The following RANBP9 variants were observed in gnomAD, a reference collection of about 807,000 sequenced individuals.
The protein encoded by RANBP9 is RAN binding protein 9.
In RANBP9, 15 loss-of-function variants were observed where a neutral mutation model predicts 84.3. The ratio of observed to expected loss-of-function variants is 0.18; its 90% CI spans 0.12 to 0.27. The LOEUF is 0.27. RANBP9 is among the 10% of genes least tolerant of loss of function. RANBP9 has a pLI of 1.00. For synonymous variants in RANBP9, 392 were observed against 349.6 expected, an observed-to-expected ratio of 1.12 and a Z score of -1.35; for missense variants, 809 against 912.8, an observed-to-expected ratio of 0.89 and a Z score of 1.46.
Position 13,634,422 on chromosome 6 carries a change from A to G in RANBP9, c.1795+9T>C. On this transcript the variant is annotated intron_variant, in intron 11 of 13. Coordinates refer to ENST00000011619, the MANE Select transcript of RANBP9 (RefSeq NM_005493.3). ...TTTTATTAAAAATGTAAGAAATATC[A>G]CTGCAGACCCATTTCGGTGTCACAA... is the stretch of plus-strand genomic sequence containing the variant. 2 of 1,606,056 alleles carry G rather than the reference A, an allele frequency of 1.2e-6. No individual in the cohort carries two copies. The highest frequency in any genetic ancestry group is 1.7e-6 in the Non-Finnish European group (2 of 1,175,984).
intron 12 of RANBP9, among the ~76,000 whole-genome samples, chr6:13,626,308 A>G (rs1764601010): frequency 6.6e-6 from 1 of 152,216 alleles, no homozygotes; most frequent in Non-Finnish European, 1.5e-5. Context: ...AAAACTTAAA[A>G]TGACTGACAG....
Position 13,659,822 on chromosome 6 carries a change from G to A in RANBP9, c.684-990C>T, listed in dbSNP as rs543983294. On this transcript the variant is annotated intron_variant, in intron 2 of 13. Transcript: ENST00000011619. ...TATTCAACAGTAAAACACACTGAAGGCATTTCCACTAAAATCAAGAACAAA... is the reference window on the plus strand; with the variant it reads ...TATTCAACAGTAAAACACACTGAAGACATTTCCACTAAAATCAAGAACAAA... Among the ~76,000 whole-genome samples, 7 of 152,248 alleles carry A rather than the reference G, an allele frequency of 4.6e-5. No homozygotes were observed. In the South Asian group the frequency reaches 1.2e-3, roughly 27 times the overall value.
chr6:13,626,814 C>T (rs2127758824), intron 12 of RANBP9, among the ~76,000 whole-genome samples: 1 of 152,294 alleles, frequency 6.6e-6, no homozygotes. Context: ...CACCCATTTT[C>T]CATCATTTCT....
At chr6:13,625,923 G>C (rs1764589551) in intron 12 of RANBP9, among the ~76,000 whole-genome samples, 159 bp from the exon 13 acceptor site, 1 of 152,066 alleles carries the variant, frequency 6.6e-6, no homozygotes, top group African/African-American at 2.4e-5. Context: ...CTACATTTTT[G>C]AACATTAAAT....
chr6:13,695,401 GTTTTTTTTT>G (rs773285024), intron 2 of RANBP9, among the ~76,000 whole-genome samples: 10 of 84,804 alleles, frequency 1.2e-4, no homozygotes, highest in Admixed American at 1.2e-3. Flanking sequence ...CCAACCAAAT[GTTTTTTTTT>G]TTTTTTTTTT....
intron 2 of RANBP9, among the ~76,000 whole-genome samples, chr6:13,692,527 CA>C (rs61237158): frequency 9.6e-3 from 275 of 28,724 alleles, no homozygotes; most frequent in Non-Finnish European, 0.013. Context: ...AACTCCGTCT[CA>C]AAAAAAAAAA....
intron 2 of RANBP9, among the ~76,000 whole-genome samples, chr6:13,666,142 AAAGAG>A (rs990599977): frequency 6.6e-6 from 1 of 152,114 alleles, no homozygotes; most frequent in Non-Finnish European, 1.5e-5. Context: ...ACACACACAA[AAAGAG>A]AAGTAAGCTG....
intron 2 of RANBP9, among the ~76,000 whole-genome samples, chr6:13,689,108 G>C (rs1766265506): frequency 6.6e-6 from 1 of 151,594 alleles, no homozygotes; most frequent in African/African-American, 2.4e-5. Flanking sequence ...AGAGAGCCTT[G>C]ATTGTGCCAC....
chr6:13,634,767 A>G (rs1764894920), intron 10 of RANBP9, among the ~76,000 whole-genome samples: 2 of 152,218 alleles, frequency 1.3e-5, no homozygotes. Context: ...AAGGGAGGAA[A>G]AAAAGTACAT....
At chr6:13,654,933 T>C (rs1765366564) in intron 4 of RANBP9, among the ~76,000 whole-genome samples, 2 of 152,220 alleles carry the variant, frequency 1.3e-5, no homozygotes, top group Admixed American at 1.3e-4. Context: ...GTGCACATAC[T>C]ATTGCAGTTT....
In RANBP9 at chr6:13,644,741, C is replaced by T. The variant is rs1489517165; in HGVS notation, c.928-12G>A. 2 of 1,549,526 alleles carry T rather than the reference C, an allele frequency of 1.3e-6. No individual in the cohort carries two copies. Among genetic ancestry groups the T allele is most frequent in the Non-Finnish European group, 1.7e-6 (2 of 1,148,686 alleles). On this transcript the variant is annotated splice_polypyrimidine_tract_variant and intron_variant, in intron 5 of 13. Coordinates refer to ENST00000011619, the MANE Select transcript of RANBP9 (RefSeq NM_005493.3). ...GGATACAAATTTGGCTGTAAGATAG[C>T]ATATTTCATTAAACATCTATCCATT...
chr6:13,632,231 T>G (rs1357626537), intron 12 of RANBP9, 139 bp downstream of exon 12: 8 of 479,026 alleles, frequency 1.7e-5, no homozygotes, highest in Non-Finnish European at 2.6e-5. Context: ...ATTTCCACTC[T>G]CAGATGGGCA....
chr6:13,695,291 A>G (rs1384387823), intron 2 of RANBP9, among the ~76,000 whole-genome samples: 2 of 152,162 alleles, frequency 1.3e-5, no homozygotes, highest in Admixed American at 1.3e-4. Context: ...AGAGTAATTC[A>G]GCAGATAAAT....
chr6:13,696,738 A>G, intron 2 of RANBP9, 47 bp downstream of exon 2: 1 of 1,502,564 alleles, frequency 6.7e-7, no homozygotes, highest in East Asian at 2.3e-5. Flanking sequence ...ATTATGAACC[A>G]AAACAAAAAA....
chr6:13,696,405 C>T (rs183286856), intron 2 of RANBP9, among the ~76,000 whole-genome samples: 16 of 152,250 alleles, frequency 1.1e-4, no homozygotes, highest in African/African-American at 3.9e-4. Context: ...ATTCTAAGTC[C>T]AACATCTGTA....
At chr6:13,708,934 A>G (rs1418960136) in intron 1 of RANBP9, among the ~76,000 whole-genome samples, 1 of 152,206 alleles carries the variant, frequency 6.6e-6, no homozygotes, top group Non-Finnish European at 1.5e-5. Context: ...AAGGAAAGAT[A>G]GAAGAGAGGA....
chr6:13,665,634 A>G (rs1765627597), intron 2 of RANBP9, among the ~76,000 whole-genome samples: 1 of 152,164 alleles, frequency 6.6e-6, no homozygotes, highest in Admixed American at 6.5e-5. Context: ...ACCACTCATA[A>G]GAAAAATGAA....
intron 5 of RANBP9, among the ~76,000 whole-genome samples, chr6:13,651,257 A>G (rs559528082): frequency 6.6e-6 from 1 of 152,264 alleles, no homozygotes; most frequent in East Asian, 1.9e-4. Flanking sequence ...GGGTTTGGTA[A>G]ATAAGATACG....
At chr6:13,704,900 T>C (rs1331027656) in intron 1 of RANBP9, among the ~76,000 whole-genome samples, 3 of 152,272 alleles carry the variant, frequency 2.0e-5, no homozygotes, top group South Asian at 4.1e-4. Flanking sequence ...GCCTGGGTTA[T>C]ACGCTCCTCC....
Sources: allele counts gnomAD v4.1 joint callset (sites outside exome capture counted in the v4.1 genomes callset), GRCh38; gene constraint gnomAD v4.1.1; transcripts MANE v1.5; gene names NCBI Gene and HGNC (gene_info 2026-07-23, HGNC 2026-07-21).